Variants in MAGI2 observed in about 807,000 individuals in gnomAD.
The protein encoded by MAGI2 is membrane associated guanylate kinase, WW and PDZ domain containing 2.
In MAGI2, 35 loss-of-function variants were observed where a neutral mutation model predicts 133.3. The observed-to-expected ratio is 0.26, with a 90% confidence interval of 0.20 to 0.35. The LOEUF is 0.35. Among genes scored for constraint, MAGI2 ranks in the 10% least tolerant of loss-of-function variants. The pLI is 1.00. For synonymous variants in MAGI2, 729 were observed against 710.6 expected (o/e 1.03, Z -0.41); for missense variants, 1,636 against 1,863.4 (o/e 0.88, Z 2.25).
chr7:79,129,068 A>G (rs1453734441), intron 1 of MAGI2, among the ~76,000 whole-genome samples: 1 of 152,000 alleles, frequency 6.6e-6, no homozygotes, highest in Non-Finnish European at 1.5e-5. Flanking sequence ...ACGGGGTTTC[A>G]CCATGTTGGC....
intron 3 of MAGI2, among the ~76,000 whole-genome samples, chr7:78,524,419 T>C (rs2150596185): frequency 6.8e-6 from 1 of 148,004 alleles, no homozygotes; most frequent in South Asian, 2.1e-4. Flanking sequence ...CAGTGTAAAC[T>C]TCATGCTGGC....
At chr7:78,535,680 AC>A in intron 3 of MAGI2, among the ~76,000 whole-genome samples, 1 of 151,958 alleles carries the variant, frequency 6.6e-6, no homozygotes, top group Non-Finnish European at 1.5e-5. Context: ...CCCAAAACAA[AC>A]CCCCTTCTTG....
chr7:78,807,672 G>T (rs1322177387), intron 2 of MAGI2, among the ~76,000 whole-genome samples: 1 of 151,992 alleles, frequency 6.6e-6, no homozygotes, highest in East Asian at 1.9e-4. Flanking sequence ...AGGCACTGAG[G>T]GTACTCCTGG....
At chr7:78,593,964 C>A (rs1001120527) in intron 3 of MAGI2, among the ~76,000 whole-genome samples, 2 of 152,158 alleles carry the variant, frequency 1.3e-5, no homozygotes, top group Non-Finnish European at 2.9e-5. Flanking sequence ...TCAATTTCAA[C>A]TCCCAAACAT....
At chr7:78,282,895 GATGTTT>G (rs201899779) in intron 9 of MAGI2, among the ~76,000 whole-genome samples, 1,650 of 152,130 alleles carry the variant, frequency 0.011, 32 homozygotes, top group African/African-American at 0.038. Context: ...TGATTTGACT[GATGTTT>G]ATGTTAACAA....
chr7:79,129,213 T>C (rs1406200383), intron 1 of MAGI2, among the ~76,000 whole-genome samples: 1 of 152,106 alleles, frequency 6.6e-6, no homozygotes, highest in Non-Finnish European at 1.5e-5. Context: ...TACAGTTGGG[T>C]GAAATCATAT....
At position 78,501,730 on chromosome 7, in the gene MAGI2, G is replaced by A. The variant is rs147595175; in HGVS notation, c.812C>T (p.Pro271Leu). 1.7e-4 allele frequency: 269 copies of A among 1,613,970 alleles called. 2 individuals carry two copies. The highest frequency in any genetic ancestry group is 1.8e-4 in the Admixed American group (11 of 60,002). ...CTGACTGTACACTGGTGCAGGATAAGGCTGGGAGGGCATCTCCCCTGAGGC... is the reference window on the plus strand; with the variant it reads ...CTGACTGTACACTGGTGCAGGATAAAGCTGGGAGGGCATCTCCCCTGAGGC... ...AGASGEMPSQ[P>L]YPAPVYSQPE... Residue 271 changes from proline to leucine, a missense_variant, in exon 5 of 22, where the codon CCT (proline) becomes CTT (leucine). Physicochemically the swap from Pro to Leu is moderately conservative, Grantham distance 98. Coordinates refer to ENST00000354212, the MANE Select transcript of MAGI2 (RefSeq NM_012301.4).
intron 1 of MAGI2, among the ~76,000 whole-genome samples, chr7:79,019,984 G>C (rs1437517972): frequency 6.6e-6 from 1 of 152,208 alleles, no homozygotes; most frequent in Non-Finnish European, 1.5e-5. Context: ...GGTTAGAACA[G>C]TTTGGAGAGC....
At chr7:78,857,063 T>G (rs1793713001) in intron 2 of MAGI2, among the ~76,000 whole-genome samples, 1 of 152,208 alleles carries the variant, frequency 6.6e-6, no homozygotes, top group South Asian at 2.1e-4. Flanking sequence ...TGTCTGTTAT[T>G]GGTGTAAAGG....
intron 2 of MAGI2, among the ~76,000 whole-genome samples, chr7:78,632,512 C>G (rs2150967642): frequency 6.6e-6 from 1 of 152,244 alleles, no homozygotes; most frequent in Middle Eastern, 3.4e-3. Flanking sequence ...CCAGAAAGAG[C>G]CTGGTTATAT....
At chr7:78,797,662 G>T (rs867726324) in intron 2 of MAGI2, among the ~76,000 whole-genome samples, 4 of 152,210 alleles carry the variant, frequency 2.6e-5, no homozygotes, top group Admixed American at 2.6e-4. Context: ...ACAGGAAAAG[G>T]TTTTTAATGT....
chr7:78,773,309 C>G (rs576766144), intron 2 of MAGI2, among the ~76,000 whole-genome samples: 1 of 151,940 alleles, frequency 6.6e-6, no homozygotes, highest in African/African-American at 2.4e-5. Context: ...TTAAAACTTA[C>G]CAAAGACAGG....
intron 1 of MAGI2, among the ~76,000 whole-genome samples, chr7:79,018,328 T>G (rs923302109): frequency 6.6e-6 from 1 of 152,144 alleles, no homozygotes; most frequent in African/African-American, 2.4e-5. Flanking sequence ...AATAAAATCC[T>G]TTTCAGAAAA....
intron 1 of MAGI2, among the ~76,000 whole-genome samples, chr7:79,025,537 G>T (rs2116739462): frequency 6.6e-6 from 1 of 152,264 alleles, no homozygotes; most frequent in African/African-American, 2.4e-5. Context: ...GTGTGTTTGT[G>T]TGCATGCATG....
At chr7:78,586,134 C>T (rs560205186) in intron 3 of MAGI2, among the ~76,000 whole-genome samples, 23 of 152,282 alleles carry the variant, frequency 1.5e-4, no homozygotes, top group African/African-American at 4.8e-4. Context: ...AATAGCGTAG[C>T]GTGCTCTACA....
At chr7:78,177,346 C>T (rs1285603590) in intron 14 of MAGI2, among the ~76,000 whole-genome samples, 1 of 152,034 alleles carries the variant, frequency 6.6e-6, no homozygotes, top group Non-Finnish European at 1.5e-5. Flanking sequence ...AACATATGCT[C>T]ATAAATCTAG....
At chr7:78,505,523 G>A (rs1274133223) in intron 4 of MAGI2, among the ~76,000 whole-genome samples, 1 of 152,070 alleles carries the variant, frequency 6.6e-6, no homozygotes, top group Admixed American at 6.6e-5. Context: ...ACTGTGGTAC[G>A]CACATGGAAC....
chr7:78,790,606 G>GT (rs1827171577), intron 2 of MAGI2, among the ~76,000 whole-genome samples: 1 of 151,998 alleles, frequency 6.6e-6, no homozygotes, highest in Non-Finnish European at 1.5e-5. Flanking sequence ...GCTAATTTTT[G>GT]TATTTTTAGT....
At chr7:79,000,899 T>A (rs1195864874) in intron 2 of MAGI2, among the ~76,000 whole-genome samples, 2 of 152,194 alleles carry the variant, frequency 1.3e-5, no homozygotes, top group African/African-American at 4.8e-5. Flanking sequence ...ATTTCTTTCA[T>A]ATCCCAAATC....
Sources: allele counts gnomAD v4.1 joint callset (sites outside exome capture counted in the v4.1 genomes callset), GRCh38; gene constraint gnomAD v4.1.1; transcripts MANE v1.5; gene names NCBI Gene and HGNC (gene_info 2026-07-23, HGNC 2026-07-21).